Variants in CP observed in about 807,000 individuals in gnomAD.
CP encodes the protein ceruloplasmin.
CP carries 64 observed loss-of-function variants against 122.4 expected under a neutral mutation model. The observed-to-expected ratio is 0.52, with a 90% CI of 0.43 to 0.64. The LOEUF is 0.64. CP is among the 30% of genes least tolerant of loss of function. The pLI is 0.00. For missense variants in CP, 1,167 were observed against 1,284.4 expected, an observed-to-expected ratio of 0.91 and a Z score of 1.40; for synonymous variants, 440 against 436.4, an observed-to-expected ratio of 1.01 and a Z score of -0.10.
At chr3:149,168,907 A>G (rs943547545), downstream of CP, among the ~76,000 whole-genome samples, 39 of 147,020 alleles carry the variant, frequency 2.7e-4, no homozygotes, top group Admixed American at 2.6e-3. Context: ...CAGCATCATC[A>G]TTATCTTAAT....
chr3:149,185,721 G>A (rs1726124803), intron 11 of CP, among the ~76,000 whole-genome samples: 1 of 152,068 alleles, frequency 6.6e-6, no homozygotes, highest in Admixed American at 6.5e-5. Context: ...CTCTCCTTAA[G>A]TAGCACCTCC....
rs777323377 is a variant in CP at position 149,199,662 on chromosome 3, C to A, written c.1501+50G>T. 6 of 1,608,146 alleles carry A rather than the reference C, an allele frequency of 3.7e-6. No individual in the cohort carries two copies. In the Admixed American group the frequency reaches 1.0e-4, roughly 27 times the overall value. On this transcript the variant is annotated intron_variant, in intron 8 of 18. Transcript: ENST00000264613. ...TGCAGCATACTGTCAGTGACCAGTA[C>A]AGTGGGTTATTAAACATTGTTGATT...
In CP at chr3:149,212,464, A is replaced by G; in HGVS notation, c.381T>C (p.Tyr127=). Residue 127 remains tyrosine, a synonymous_variant, in exon 2 of 19, where the codon TAT becomes TAC. Coordinates refer to ENST00000264613, the MANE Select transcript of CP (RefSeq NM_000096.4). ...YTFHSHGITY[Y]KEHEGAIYPD... ...AGCTGAACTTACCCTCATGTTCCTTATAGTAAGTTATTCCATGTGAATGAA... is the reference window on the plus strand; with the variant it reads ...AGCTGAACTTACCCTCATGTTCCTTGTAGTAAGTTATTCCATGTGAATGAA... 6.2e-7 allele frequency: 1 copy of G among 1,613,980 alleles called. No individual in the cohort carries two copies. Among genetic ancestry groups the G allele is most frequent in the Non-Finnish European group, 8.5e-7 (1 of 1,179,936 alleles).
intron 4 of CP, chr3:149,167,118 A>G: frequency 1.2e-6 from 2 of 1,613,972 alleles, no homozygotes; most frequent in Non-Finnish European, 1.7e-6. Context: ...TGCCGGCCTC[A>G]GTGTCCATGT....
intron 9 of CP, among the ~76,000 whole-genome samples, chr3:149,189,179 G>T (rs1036936055): frequency 1.3e-5 from 2 of 152,158 alleles, no homozygotes; most frequent in African/African-American, 2.4e-5. Flanking sequence ...AGATTCAAAA[G>T]CTTCCTGAAA....
chr3:149,209,091 CT>C, intron 4 of CP, 119 bp downstream of exon 4: 2 of 1,294,550 alleles, frequency 1.5e-6, no homozygotes. Context: ...ATCCAATATG[CT>C]TTGTTATAAG....
rs774013953 is a variant in CP, at chr3:149,198,476, A to T, written c.1604T>A (p.Leu535Gln). Residue 535 changes from leucine to glutamine, a missense_variant, in exon 9 of 19, where the codon CTA becomes CAA. Coordinates refer to ENST00000264613, the MANE Select transcript of CP (RefSeq NM_000096.4). ...CACAGCAGAATAATACATCTTAGCT[A>T]GACACACAGGATCTGCATTAGTGGG... The part of the protein sequence containing the change: ...VGPTNADPVC[L>Q]AKMYYSAVEP... 6.2e-7 allele frequency: 1 copy of T among 1,613,840 alleles called. No homozygotes were observed.
At chr3:149,178,893 G>T (rs1725597834) in intron 15 of CP, among the ~76,000 whole-genome samples, 1 of 152,228 alleles carries the variant, frequency 6.6e-6, no homozygotes, top group South Asian at 2.1e-4. Flanking sequence ...CTAATGAGCA[G>T]TGATTTTAAA....
At chr3:149,212,054 GA>G (rs1325298946) in intron 2 of CP, among the ~76,000 whole-genome samples, 1 of 152,104 alleles carries the variant, frequency 6.6e-6, no homozygotes. Flanking sequence ...AGCACTTTGG[GA>G]GGCTGAGGCG....
chr3:149,187,698 CAG>C (rs1310989634), intron 10 of CP, among the ~76,000 whole-genome samples: 2 of 152,318 alleles, frequency 1.3e-5, no homozygotes, highest in East Asian at 3.9e-4. Context: ...GAATCATCTG[CAG>C]AGTTTGTTGA....
Position 149,166,779 on chromosome 3 carries a change from C to T in CP, c.587-729G>A, listed in dbSNP as rs573165023. ...TGCCCATTGGTTTTAATTTGCAGTC[C>T]ACACAAAGCAAATAAAATCATGTTA... is the stretch of plus-strand genomic sequence containing the variant. On this transcript the variant is annotated intron_variant, in intron 4 of 5. Coordinates refer to the CP transcript ENST00000479771. Among the ~76,000 whole-genome samples, 86 of 152,184 alleles carry T rather than the reference C, an allele frequency of 5.7e-4. 1 individual carries two copies. Among genetic ancestry groups the T allele is most frequent in the African/African-American group, 1.8e-3 (75 of 41,534 alleles).
chr3:149,213,518 T>A lies in CP; in HGVS notation c.147-820A>T, dbSNP rs530037264. Among the ~76,000 whole-genome samples, 6 of 152,308 alleles carry A rather than the reference T, an allele frequency of 3.9e-5. No homozygotes were observed. The East Asian group carries it at 1.2e-3, about 29-fold the overall frequency. On this transcript the variant is annotated intron_variant, in intron 1 of 18. Coordinates refer to ENST00000264613, the MANE Select transcript of CP (RefSeq NM_000096.4). ...GGCTTATATAGCCCAGTGGGATCTA[T>A]TCATGGGCAACATCATGTTGCCATT...
intron 4 of CP, among the ~76,000 whole-genome samples, chr3:149,208,461 A>G (rs1367665985): frequency 6.6e-6 from 1 of 152,172 alleles, no homozygotes; most frequent in African/African-American, 2.4e-5. Context: ...AAAGTTGGAA[A>G]CAAAATCTGT....
At chr3:149,198,939 A>G (rs35076221) in intron 8 of CP, among the ~76,000 whole-genome samples, 4 of 152,234 alleles carry the variant, frequency 2.6e-5, no homozygotes, top group African/African-American at 4.8e-5. Flanking sequence ...CAATACAGTG[A>G]AATCGATGCA....
Position 149,221,685 on chromosome 3 carries a change from G to T in CP, c.108C>A (p.Ala36=). The change falls in exon 1 of 19, where the codon GCC becomes GCA. Residue 36 remains alanine, a synonymous_variant. Transcript: ENST00000264613. The stretch of plus-strand genomic sequence containing the variant: ...TAAGTTTCTTTTCCCCATGGTCAGA[G>T]GCATAATCCCAAGTCGTTTCAATAA... The part of the protein sequence containing the change: ...IGIIETTWDY[A]SDHGEKKLIS... 6.2e-7 allele frequency: 1 copy of T among 1,613,146 alleles called. No homozygotes were observed.
At chr3:149,215,376 A>AGGC (rs1728401224) in intron 1 of CP, among the ~76,000 whole-genome samples, 1 of 152,256 alleles carries the variant, frequency 6.6e-6, no homozygotes, top group African/African-American at 2.4e-5. Context: ...TAGGCTTTGT[A>AGGC]ACTAATTTTT....
At chr3:149,220,614 G>A (rs1467550533) in intron 1 of CP, among the ~76,000 whole-genome samples, 2 of 151,904 alleles carry the variant, frequency 1.3e-5, no homozygotes, top group Non-Finnish European at 2.9e-5. Context: ...TATCTGTTAT[G>A]TATTTATTTT....
At chr3:149,192,561 A>G (rs1726607699) in intron 9 of CP, among the ~76,000 whole-genome samples, 1 of 152,016 alleles carries the variant, frequency 6.6e-6, no homozygotes, top group Non-Finnish European at 1.5e-5. Context: ...AGGCAAACAA[A>G]CAAAAAAGTA....
At chr3:149,212,123 C>G (rs747448107) in intron 2 of CP, among the ~76,000 whole-genome samples, 2 of 151,810 alleles carry the variant, frequency 1.3e-5, no homozygotes, top group Admixed American at 6.6e-5. Context: ...GAAACCCCGT[C>G]TCTACTAAAA....
Sources: allele counts gnomAD v4.1 joint callset (sites outside exome capture counted in the v4.1 genomes callset), GRCh38; gene constraint gnomAD v4.1.1; transcripts MANE v1.5; gene names NCBI Gene and HGNC (gene_info 2026-07-23, HGNC 2026-07-21).